Variants in FRY observed in about 807,000 individuals in gnomAD.
The protein encoded by FRY is protein furry homolog.
In FRY, 128 loss-of-function variants were observed where a neutral mutation model predicts 348.4. That is an observed-to-expected ratio of 0.37 (90% CI 0.32 to 0.43). The LOEUF (loss-of-function observed/expected upper bound fraction) is 0.43, where lower values mean the gene tolerates loss of function less well. Ranked by LOEUF, FRY falls within the 20% of genes least tolerant of loss-of-function variation. FRY has a pLI of 1.00. For synonymous variants in FRY, 1,370 were observed against 1,374.7 expected (o/e 1.00, Z 0.08); for missense variants, 2,736 against 3,695.2 (o/e 0.74, Z 6.73).
chr13:32,157,518 A>G (rs1389512324), intron 16 of FRY, 113 bp downstream of exon 16: 12 of 912,788 alleles, frequency 1.3e-5, no homozygotes, highest in Non-Finnish European at 1.9e-5. Flanking sequence ...TCTAAAAAGT[A>G]GTAAAGATAG....
intron 1 of FRY, chr13:32,038,512 C>A (rs773997182): frequency 6.6e-6 from 1 of 152,198 alleles, no homozygotes; most frequent in African/African-American, 2.4e-5. Context: ...CCTGGAAACG[C>A]GAATGGCATT....
intron 3 of FRY, among the ~76,000 whole-genome samples, chr13:32,107,287 G>T (rs561532415): frequency 2.2e-4 from 34 of 152,296 alleles, no homozygotes; most frequent in African/African-American, 7.5e-4. Context: ...AACCTGGGAG[G>T]CAGAGGTTGC....
intron 36 of FRY, among the ~76,000 whole-genome samples, chr13:32,223,046 T>C (rs1489989794): frequency 1.3e-5 from 2 of 152,142 alleles, no homozygotes; most frequent in Non-Finnish European, 2.9e-5. Flanking sequence ...CTCCACATCC[T>C]GGGTTCAAAC....
chr13:32,049,023 C>A (rs1227003239), intron 1 of FRY, among the ~76,000 whole-genome samples: 1 of 152,138 alleles, frequency 6.6e-6, no homozygotes, highest in Non-Finnish European at 1.5e-5. Context: ...TCAAAGACAG[C>A]CTACTTTGAT....
In FRY at chr13:32,194,754, G is replaced by T. The variant is rs368054716; in HGVS notation, c.3746+457G>T. Among the ~76,000 whole-genome samples the T allele has an allele frequency of 5.9e-5, 9 of 152,172 alleles. 1 individual carries two copies. In the East Asian group the frequency reaches 1.2e-3, roughly 20 times the overall value. On this transcript the variant is annotated intron_variant, in intron 29 of 60. Coordinates refer to ENST00000542859, the MANE Select transcript of FRY (RefSeq NM_023037.3). ...AAGAAAAGAAAATGTGATACCAAAG[G>T]TTCTATAGATTACACTTTTAAAACC... is the stretch of plus-strand genomic sequence containing the variant.
intron 47 of FRY, among the ~76,000 whole-genome samples, chr13:32,246,536 A>T (rs1886811666): frequency 6.6e-6 from 1 of 152,182 alleles, no homozygotes; most frequent in African/African-American, 2.4e-5. Flanking sequence ...GGGGGAGATG[A>T]CCCTTGCAGG....
At chr13:32,061,032 A>G (rs1016202815) in intron 1 of FRY, 4 of 509,034 alleles carry the variant, frequency 7.9e-6, no homozygotes, top group African/African-American at 7.8e-5. Context: ...GCCCATCATT[A>G]TGTGTTTTGG....
At position 32,284,104 on chromosome 13, in the gene FRY, A is replaced by G. The variant is rs147547572; in HGVS notation, c.8470-5529A>G. Among the ~76,000 whole-genome samples the G allele has an allele frequency of 2.3e-3, 356 of 152,360 alleles. 1 individual carries two copies. The highest frequency in any genetic ancestry group is 8.2e-3 in the African/African-American group (339 of 41,592). On this transcript the variant is annotated intron_variant, in intron 58 of 60. Coordinates refer to ENST00000542859, the MANE Select transcript of FRY (RefSeq NM_023037.3). ...AGAGGTGGCCCCAGAAAAGCTGGAG[A>G]TGTTTCCATATGATGTATTGTTGAT...
chr13:32,141,025 G>C (rs1880032426), intron 11 of FRY, among the ~76,000 whole-genome samples: 2 of 152,066 alleles, frequency 1.3e-5, no homozygotes, highest in East Asian at 3.9e-4. Flanking sequence ...TCAAGATGTA[G>C]TTATTCCGCT....
In FRY at chr13:32,064,525, C is replaced by T. The variant is rs912928521; in HGVS notation, c.71-14309C>T. Among the ~76,000 whole-genome samples, 4 of 152,280 alleles carry T rather than the reference C, an allele frequency of 2.6e-5. No homozygotes were observed. The East Asian group carries it at 5.8e-4, about 22-fold the overall frequency. On this transcript the variant is annotated intron_variant, in intron 1 of 60. Transcript: ENST00000542859. ...GCACACTGTCAGCTGTGTGAAGCTACGAGCCATGCCTATTTTGTTCCCCCA... is the reference window on the plus strand; with the variant it reads ...GCACACTGTCAGCTGTGTGAAGCTATGAGCCATGCCTATTTTGTTCCCCCA...
intron 1 of FRY, among the ~76,000 whole-genome samples, chr13:32,077,951 T>C (rs542104758): frequency 2.8e-4 from 42 of 152,320 alleles, no homozygotes; most frequent in Non-Finnish European, 5.1e-4. Flanking sequence ...GTTTCTTTCA[T>C]TGGATATTAA....
intron 46 of FRY, among the ~76,000 whole-genome samples, chr13:32,241,664 C>T (rs1177136908): frequency 6.6e-6 from 1 of 152,124 alleles, no homozygotes; most frequent in Non-Finnish European, 1.5e-5. Flanking sequence ...CTAAGTACTT[C>T]TGTAACAACC....
chr13:32,085,890 T>A, intron 2 of FRY: 1 of 518,982 alleles, frequency 1.9e-6, no homozygotes, highest in Non-Finnish European at 3.8e-6. Context: ...GCAGACCTGG[T>A]CTTAGCCCTC....
At position 32,294,551 on chromosome 13, in the gene FRY, C is replaced by G; in HGVS notation, c.8764C>G (p.Arg2922Gly). 6.2e-7 allele frequency: 1 copy of G among 1,613,782 alleles called. No homozygotes were observed. The highest frequency in any genetic ancestry group is 8.5e-7 in the Non-Finnish European group (1 of 1,179,706). The change falls in exon 60 of 61, where the codon CGG becomes GGG. Residue 2922 changes from arginine to glycine, a missense_variant. Arg to Gly is a moderately radical substitution (Grantham distance 125, BLOSUM62 -2). This residue lies in a region of FRY where 157 missense variants were observed against 215.2 expected (regional missense o/e 0.73). Transcript: ENST00000542859. ...LKNNELGKAL[R>G]QIRECRSLWP... ...GAACAACGAACTCGGCAAAGCTTTG[C>G]GGCAGATCAGGGAGTGCAGGTGACT...
At chr13:32,059,458 C>CAAAAAAA (rs10692049) in intron 1 of FRY, among the ~76,000 whole-genome samples, 2 of 111,404 alleles carry the variant, frequency 1.8e-5, no homozygotes, top group Non-Finnish European at 3.6e-5. Context: ...ACTTAGGAAG[C>CAAAAAAA]AAAAAAAAAA....
intron 55 of FRY, among the ~76,000 whole-genome samples, chr13:32,273,934 C>G (rs1351562471): frequency 6.6e-6 from 1 of 152,164 alleles, no homozygotes; most frequent in Non-Finnish European, 1.5e-5. Flanking sequence ...AAATCTGAAA[C>G]TTTTTGAGTG....
chr13:32,081,921 A>C (rs76757310), intron 2 of FRY, among the ~76,000 whole-genome samples: 3,973 of 152,300 alleles, frequency 0.026, 60 homozygotes, highest in Middle Eastern at 0.068. Flanking sequence ...TCTTTTACAA[A>C]GACATTGAAT....
chr13:32,210,857 C>G lies in FRY; in HGVS notation c.4423-9C>G. ...TGAAACATCCCTTGTTTTCTTTTTTCCTTCTCAGATTAAAAAAGTGGCAAT... is the reference window on the plus strand; with the variant it reads ...TGAAACATCCCTTGTTTTCTTTTTTGCTTCTCAGATTAAAAAAGTGGCAAT... On this transcript the variant is annotated splice_polypyrimidine_tract_variant and intron_variant, in intron 33 of 60. Transcript: ENST00000542859. 6.2e-7 allele frequency: 1 copy of G among 1,612,336 alleles called. No individual in the cohort carries two copies. Among genetic ancestry groups the G allele is most frequent in the Non-Finnish European group, 8.5e-7 (1 of 1,178,632 alleles).
At chr13:32,129,897 A>C (rs1439242086) in intron 7 of FRY, among the ~76,000 whole-genome samples, 1 of 152,046 alleles carries the variant, frequency 6.6e-6, no homozygotes, top group East Asian at 1.9e-4. Context: ...GCCAACCACC[A>C]GCCCCTGTAC....
Sources: allele counts gnomAD v4.1 joint callset (sites outside exome capture counted in the v4.1 genomes callset), GRCh38; gene constraint gnomAD v4.1.1; regional missense constraint gnomAD v4.1.1; transcripts MANE v1.5; gene names NCBI Gene and HGNC (gene_info 2026-07-23, HGNC 2026-07-21).